Variants in CELF2 observed in about 807,000 individuals in gnomAD.
The protein encoded by CELF2 is CUG triplet repeat RNA-binding protein 2.
A neutral mutation model predicts 62.6 loss-of-function variants in CELF2; 8 were observed. The observed-to-expected ratio is 0.13, with a 90% confidence interval of 0.07 to 0.23. The LOEUF is 0.23. CELF2 is among the 10% of genes least tolerant of loss of function. The probability of loss-of-function intolerance (pLI) is 1.00; values close to 1 mark genes in which losing one functional copy is unlikely to be tolerated. For synonymous variants in CELF2, 258 were observed against 250.0 expected (o/e 1.03, Z -0.30); for missense variants, 333 against 671.0 (o/e 0.50, Z 5.56).
intron 3 of CELF2, among the ~76,000 whole-genome samples, chr10:11,238,947 G>T (rs1225160011): frequency 6.6e-6 from 1 of 152,160 alleles, no homozygotes. Context: ...CCTAATCACA[G>T]CTAACGAGTG....
chr10:10,934,142 G>C lies in CELF2; in HGVS notation c.89+14143G>C, dbSNP rs1002426108. 2.0e-5 allele frequency among the ~76,000 whole-genome samples: 3 copies of C among 152,126 alleles called. No individual in the cohort carries two copies. Among genetic ancestry groups the C allele is most frequent in the African/African-American group, 7.2e-5 (3 of 41,418 alleles). On this transcript the variant is annotated intron_variant, in intron 2 of 13. Transcript: ENST00000636488. This position sits in a 1 kb window ranked among gnomAD's most constrained non-coding sequence, Gnocchi z 4.4. ...TTTTTGTAATAGCCATTTTAATTGG[G>C]GTGAGGTGATACCTTATTGTGATTT... is the stretch of plus-strand genomic sequence containing the variant.
chr10:10,530,972 T>C, the CELF2 span, among the ~76,000 whole-genome samples: 1 of 152,216 alleles, frequency 6.6e-6, no homozygotes, highest in Non-Finnish European at 1.5e-5. Context: ...GCAAAACAGC[T>C]AATTAAGATG....
At chr10:11,006,266 C>A (rs899745720) in intron 1 of CELF2, among the ~76,000 whole-genome samples, 2 of 152,140 alleles carry the variant, frequency 1.3e-5, no homozygotes, top group African/African-American at 4.8e-5. Context: ...TTTTCAACAC[C>A]CTTTTTTATC....
At chr10:10,812,706 T>C (rs1198218330) in intron 1 of CELF2, among the ~76,000 whole-genome samples, 1 of 152,186 alleles carries the variant, frequency 6.6e-6, no homozygotes, top group African/African-American at 2.4e-5. Context: ...AGTAAGATTT[T>C]CTTCTTCTGA....
At position 11,237,800 on chromosome 10, in the gene CELF2, A is replaced by G. The variant is rs1390911545; in HGVS notation, c.355-11353A>G. ...GCCCCAGGCAGCGTCACGGCCAGAG[A>G]CAAATGTCACAAGGATGATTTGTTG... On this transcript the variant is annotated intron_variant, in intron 3 of 12. Coordinates refer to ENST00000633077, the MANE Select transcript of CELF2 (RefSeq NM_001326342.2). This position sits in a 1 kb window ranked among gnomAD's most constrained non-coding sequence, Gnocchi z 4.0. Among the ~76,000 whole-genome samples, 2 of 152,224 alleles carry G rather than the reference A, an allele frequency of 1.3e-5. No individual in the cohort carries two copies. The highest frequency in any genetic ancestry group is 2.9e-5 in the Non-Finnish European group (2 of 68,034).
Position 10,972,133 on chromosome 10 carries a change from C to T in CELF2, c.89+52134C>T, listed in dbSNP as rs1425580233. Among the ~76,000 whole-genome samples, 2 of 152,118 alleles carry T rather than the reference C, an allele frequency of 1.3e-5. No individual in the cohort carries two copies. Among genetic ancestry groups the T allele is most frequent in the African/African-American group, 2.4e-5 (1 of 41,408 alleles). On this transcript the variant is annotated intron_variant, in intron 2 of 13. Coordinates refer to the CELF2 transcript ENST00000636488. This position sits in a 1 kb window ranked among gnomAD's most constrained non-coding sequence, Gnocchi z 4.4. ...TAAAATTTAGCCTTTATGGAGTCCT[C>T]ATATACTGGATTTCTCTGTGGCACT...
At chr10:10,648,034 T>G in the CELF2 span, among the ~76,000 whole-genome samples, 1 of 152,212 alleles carries the variant, frequency 6.6e-6, no homozygotes, top group South Asian at 2.1e-4. Flanking sequence ...CCAAACTTCA[T>G]GTACAAATTT....
the CELF2 span, among the ~76,000 whole-genome samples, chr10:10,578,605 G>C: frequency 1.3e-5 from 2 of 152,046 alleles, no homozygotes; most frequent in Non-Finnish European, 2.9e-5. Context: ...GAACATATTG[G>C]TATACTGATT....
intron 9 of CELF2, among the ~76,000 whole-genome samples, chr10:11,291,328 C>CT (rs1302520783): frequency 4.6e-5 from 7 of 151,974 alleles, no homozygotes; most frequent in African/African-American, 1.7e-4. Context: ...AAAAGTCTCC[C>CT]TACAGCATTA....
chr10:10,909,718 C>T (rs769644726), intron 1 of CELF2, among the ~76,000 whole-genome samples: 6 of 152,232 alleles, frequency 3.9e-5, no homozygotes, highest in Non-Finnish European at 7.4e-5. Flanking sequence ...TCAGCAAAAA[C>T]TCCCTTCCTG....
At chr10:10,647,890 T>C in the CELF2 span, among the ~76,000 whole-genome samples, 1 of 152,224 alleles carries the variant, frequency 6.6e-6, no homozygotes, top group Non-Finnish European at 1.5e-5. Context: ...TCCTGGGCAC[T>C]GCTCTGTGAA....
Position 11,018,020 on chromosome 10 carries a change from G to C in CELF2, c.-70G>C. On this transcript the variant is annotated 5_prime_UTR_variant, in exon 1 of 13. Coordinates refer to ENST00000633077, the MANE Select transcript of CELF2 (RefSeq NM_001326342.2). ...GCGCGCACCTGTCCCTGCCCGTCTC[G>C]CGCCGCCCGCGGCCGCTCGGACGCG... is the stretch of plus-strand genomic sequence containing the variant. 3.7e-6 allele frequency: 4 copies of C among 1,074,366 alleles called. No individual in the cohort carries two copies. Among genetic ancestry groups the C allele is most frequent in the Non-Finnish European group, 4.5e-6 (4 of 889,776 alleles). The allele number at this position is 1,074,366 out of a possible 1,614,324, so 66.6% of individuals were successfully genotyped here. A position where few individuals can be genotyped will look rare whatever the true frequency, so the allele number is the denominator to read the frequency against.
intron 8 of CELF2, among the ~76,000 whole-genome samples, chr10:11,279,499 A>T (rs1203094960): frequency 6.6e-6 from 1 of 152,194 alleles, no homozygotes; most frequent in African/African-American, 2.4e-5. Context: ...ACAAAGACTC[A>T]CGCAGAACTT....
chr10:10,733,812 G>A, the CELF2 span, among the ~76,000 whole-genome samples: 1 of 152,138 alleles, frequency 6.6e-6, no homozygotes, highest in African/African-American at 2.4e-5. Flanking sequence ...CCCACAACAT[G>A]AGGGAATTAT....
At chr10:11,232,687 C>T (rs1220463214) in intron 3 of CELF2, among the ~76,000 whole-genome samples, 1 of 152,142 alleles carries the variant, frequency 6.6e-6, no homozygotes, top group Non-Finnish European at 1.5e-5. Flanking sequence ...AAGGACACAC[C>T]ACGCTATATT....
At position 11,285,871 on chromosome 10, in the gene CELF2, GTGTGTGTTTT is replaced by G. The variant is rs1446884218; in HGVS notation, c.842-2545_842-2536del. ...TGTGTGTGTGTGTGTGTGTGTGTGT[GTGTGTGTTTT>G]TACATGGACTTGAAAATGAGTAAGA... On this transcript the variant is annotated intron_variant, in intron 8 of 12. Transcript: ENST00000633077. This position sits in a 1 kb window ranked among gnomAD's most constrained non-coding sequence, Gnocchi z 4.3. 1.2e-5 allele frequency among the ~76,000 whole-genome samples: 1 copy of G among 86,826 alleles called. No homozygotes were observed. The highest frequency in any genetic ancestry group is 5.6e-5 in the African/African-American group (1 of 17,740). 57.0% of individuals were successfully genotyped at this position (86,826 alleles called of 152,430 possible).
chr10:11,140,155 C>T (rs2061095424), intron 1 of CELF2, among the ~76,000 whole-genome samples: 1 of 151,916 alleles, frequency 6.6e-6, no homozygotes, highest in African/African-American at 2.4e-5. Flanking sequence ...TAAAAGAAAT[C>T]TGGTTGGTAT....
the CELF2 span, among the ~76,000 whole-genome samples, chr10:10,588,756 A>G: frequency 6.6e-6 from 1 of 152,262 alleles, no homozygotes; most frequent in South Asian, 2.1e-4. Flanking sequence ...CATTAATTGA[A>G]CAATGAACCC....
chr10:10,465,908 C>T, the CELF2 span, among the ~76,000 whole-genome samples: 1 of 151,940 alleles, frequency 6.6e-6, no homozygotes, highest in Non-Finnish European at 1.5e-5. Context: ...GATTTTATAC[C>T]TTCTGTTTTC....
Sources: allele counts gnomAD v4.1 joint callset (sites outside exome capture counted in the v4.1 genomes callset), GRCh38; gene constraint gnomAD v4.1.1; non-coding constraint Gnocchi (gnomAD v3.1); transcripts MANE v1.5; gene names NCBI Gene and HGNC (gene_info 2026-07-23, HGNC 2026-07-21).